CDH1: variants seen among roughly 807,000 people sequenced by gnomAD.
CDH1 encodes the protein cadherin 1, also known as cadherin-1.
In CDH1, 35 loss-of-function variants were observed where a neutral mutation model predicts 84.5. The observed-to-expected ratio is 0.41, with a 90% CI of 0.32 to 0.55. CDH1 has a LOEUF of 0.55. Ranked by LOEUF, CDH1 falls within the 20% of genes least tolerant of loss-of-function variation. The pLI, the probability that CDH1 is intolerant of heterozygous loss-of-function variation, is 0.19. For synonymous variants in CDH1, 417 were observed against 439.0 expected, an observed-to-expected ratio of 0.95 and a Z score of 0.63; for missense variants, 994 against 1,126.6, an observed-to-expected ratio of 0.88 and a Z score of 1.68.
In CDH1 at chr16:68,810,159, T is replaced by G. The variant is rs1382547438; in HGVS notation, c.688-38T>G. ...GGCCCCTTCTCCCATGTTTTCTTCC[T>G]CATCAGAGCTCAAGTCACCCTCACT... On this transcript the variant is annotated intron_variant, in intron 5 of 15. Transcript: ENST00000261769. 6.2e-7 allele frequency: 1 copy of G among 1,613,196 alleles called. No individual in the cohort carries two copies. Among genetic ancestry groups the G allele is most frequent in the Non-Finnish European group, 8.5e-7 (1 of 1,179,378 alleles).
At position 68,812,253 on chromosome 16, in the gene CDH1, A is replaced by C. The variant is rs1169866178; in HGVS notation, c.1127A>C (p.Asn376Thr). 1 of 1,614,048 alleles carries C rather than the reference A, an allele frequency of 6.2e-7. No homozygotes were observed. Among genetic ancestry groups the C allele is most frequent in the African/African-American group, 1.3e-5 (1 of 74,932 alleles). The part of the protein sequence containing the change: ...TDTNDNPPIF[N>T]PTTYKGQVPE... ...ACCAACGATAATCCTCCGATCTTCA[A>C]TCCCACCACGGTAATTCTATAACTC... The change falls in exon 8 of 16, where the codon AAT (asparagine) becomes ACT (threonine). Residue 376 changes from asparagine to threonine, a missense_variant. Coordinates refer to ENST00000261769, the MANE Select transcript of CDH1 (RefSeq NM_004360.5).
intron 11 of CDH1, among the ~76,000 whole-genome samples, chr16:68,821,076 G>C (rs1961129780): frequency 6.6e-6 from 1 of 152,096 alleles, no homozygotes; most frequent in African/African-American, 2.4e-5. Flanking sequence ...CTGTTGTTTT[G>C]TATCCGTATC....
intron 15 of CDH1, 48 bp from the exon 16 acceptor site, chr16:68,833,242 G>A (rs1490381779): frequency 5.9e-6 from 9 of 1,526,528 alleles, no homozygotes; most frequent in South Asian, 1.1e-5. Context: ...CAGATGACAG[G>A]TGTGCCCTTC....
intron 2 of CDH1, among the ~76,000 whole-genome samples, chr16:68,801,305 A>G (rs1030157684): frequency 3.3e-5 from 5 of 151,942 alleles, no homozygotes; most frequent in African/African-American, 1.2e-4. Context: ...TAGTAGAGAC[A>G]GGGTTTCATC....
rs1185031300 is a variant in CDH1, at chr16:68,835,008, A to C, written c.*1509A>C. Reference sequence around the variant, plus strand: ...TTCTGACACAAGATCCGTGGTTTGTACTCAAAGCCCAGAATCCCCAAGTGC... The same window carrying C: ...TTCTGACACAAGATCCGTGGTTTGTCCTCAAAGCCCAGAATCCCCAAGTGC... On this transcript the variant is annotated 3_prime_UTR_variant, in exon 16 of 16. Coordinates refer to ENST00000261769, the MANE Select transcript of CDH1 (RefSeq NM_004360.5). The C allele has an allele frequency of 4.3e-6, 1 of 232,110 alleles. No individual in the cohort carries two copies. The highest frequency in any genetic ancestry group is 2.2e-5 in the African/African-American group (1 of 45,256). 14.4% of individuals were successfully genotyped at this position (232,110 alleles called of 1,614,324 possible). A position where few individuals can be genotyped will look rare whatever the true frequency, so the allele number is the denominator to read the frequency against.
chr16:68,824,193 C>T lies in CDH1; in HGVS notation c.2164+567C>T, dbSNP rs374979300. On this transcript the variant is annotated intron_variant, in intron 13 of 15. Coordinates refer to ENST00000261769, the MANE Select transcript of CDH1 (RefSeq NM_004360.5). ...TGTATTTTCAGTAGAGACGGTGTTTCTCCATTTTGGTTAGGCTGGTCTCAG... is the reference window on the plus strand; with the variant it reads ...TGTATTTTCAGTAGAGACGGTGTTTTTCCATTTTGGTTAGGCTGGTCTCAG... Among the ~76,000 whole-genome samples, 64 of 152,092 alleles carry T rather than the reference C, an allele frequency of 4.2e-4. 3 individuals are homozygous for T. The highest frequency in any genetic ancestry group is 1.4e-3 in the African/African-American group (59 of 41,482).
chr16:68,752,396 C>T (rs1962908758), intron 2 of CDH1, among the ~76,000 whole-genome samples: 1 of 152,232 alleles, frequency 6.6e-6, no homozygotes, highest in African/African-American at 2.4e-5. Flanking sequence ...CCCACTAGAA[C>T]AGAAGCCTCA....
At chr16:68,750,150 C>CTTTTTT in intron 2 of CDH1, among the ~76,000 whole-genome samples, 1 of 79,160 alleles carries the variant, frequency 1.3e-5, no homozygotes, top group Non-Finnish European at 2.6e-5. Context: ...TAGAATTCAG[C>CTTTTTT]TTTTTTTTTT....
intron 2 of CDH1, among the ~76,000 whole-genome samples, chr16:68,774,453 G>T (rs1163836454): frequency 1.3e-5 from 2 of 152,114 alleles, no homozygotes; most frequent in Non-Finnish European, 2.9e-5. Context: ...CCGGGAGGCA[G>T]AGCTTGCAGT....
At chr16:68,808,997 G>A in intron 5 of CDH1, 149 bp downstream of exon 5, 1 of 724,976 alleles carries the variant, frequency 1.4e-6, no homozygotes, top group South Asian at 1.6e-5. Flanking sequence ...GAGAAGTGAT[G>A]GGAGAACGTG....
At chr16:68,808,882 G>T (rs1960745500) in intron 5 of CDH1, 34 bp downstream of exon 5, 1 of 1,610,354 alleles carries the variant, frequency 6.2e-7, no homozygotes, top group South Asian at 1.1e-5. Flanking sequence ...TGACACCGGG[G>T]TAACATCCAC....
In CDH1 at chr16:68,737,448, G is replaced by C. The variant is rs730881654; in HGVS notation, c.33G>C (p.Leu11=). ...CTTGGAGCCGCAGCCTCTCGGCGCT[G>C]CTGCTGCTGCTGCAGGTACCCCGGA... The part of the protein sequence containing the change: MGPWSRSLSA[L]LLLLQVSSWL... The change falls in exon 1 of 16, where the codon CTG becomes CTC. Residue 11 remains leucine (L), a synonymous_variant. Transcript: ENST00000261769. 763 of 1,535,658 alleles carry C rather than the reference G, an allele frequency of 5.0e-4. No individual in the cohort carries two copies. The highest frequency in any genetic ancestry group is 6.5e-4 in the Non-Finnish European group (741 of 1,147,416).
At chr16:68,824,591 T>C (rs190717647) in intron 13 of CDH1, among the ~76,000 whole-genome samples, 3 of 152,302 alleles carry the variant, frequency 2.0e-5, no homozygotes, top group Non-Finnish European at 1.5e-5. Flanking sequence ...AAAATTGACA[T>C]GGAGTAGGGG....
chr16:68,825,463 T>A (rs1040016931), intron 13 of CDH1, among the ~76,000 whole-genome samples: 5 of 152,176 alleles, frequency 3.3e-5, no homozygotes, highest in African/African-American at 1.2e-4. Context: ...ATGGGTGCCA[T>A]TGATCCTGCT....
chr16:68,816,733 A>T (rs1015346369), intron 10 of CDH1, among the ~76,000 whole-genome samples: 2 of 151,524 alleles, frequency 1.3e-5, no homozygotes, highest in African/African-American at 2.4e-5. Context: ...TGGGTGACAG[A>T]GTGAGACTCC....
intron 3 of CDH1, among the ~76,000 whole-genome samples, chr16:68,804,824 CTTTTTT>C (rs5817653): frequency 1.4e-5 from 1 of 69,668 alleles, no homozygotes; most frequent in African/African-American, 6.7e-5. Context: ...GTAACAAAAT[CTTTTTT>C]TTTTTTTTTT....
chr16:68,770,476 C>A (rs1234435195), intron 2 of CDH1, among the ~76,000 whole-genome samples: 2 of 152,036 alleles, frequency 1.3e-5, no homozygotes, highest in Non-Finnish European at 2.9e-5. Flanking sequence ...CAGTTGACAT[C>A]CAGATTCATT....
intron 2 of CDH1, among the ~76,000 whole-genome samples, chr16:68,759,934 C>T (rs528881740): frequency 1.3e-5 from 2 of 152,178 alleles, no homozygotes; most frequent in East Asian, 3.9e-4. Context: ...ATTCTAGATC[C>T]ATCACTTTGG....
intron 2 of CDH1, among the ~76,000 whole-genome samples, chr16:68,792,346 CAGCCTCCCGAGT>C (rs1250991023): frequency 6.6e-6 from 1 of 152,054 alleles, no homozygotes; most frequent in Non-Finnish European, 1.5e-5. Context: ...TCTCCTGCCT[CAGCCTCCCGAGT>C]AGCTGGGATT....
Sources: allele counts gnomAD v4.1 joint callset (sites outside exome capture counted in the v4.1 genomes callset), GRCh38; gene constraint gnomAD v4.1.1; transcripts MANE v1.5; gene names NCBI Gene and HGNC (gene_info 2026-07-23, HGNC 2026-07-21).